The following COLGALT2 variants were observed in gnomAD, a reference collection of about 807,000 sequenced individuals.
COLGALT2 encodes procollagen galactosyltransferase 2.
Under a neutral mutation model 73.4 loss-of-function variants are expected in COLGALT2, and 49 were observed. The observed-to-expected ratio is 0.67, with a 90% CI of 0.53 to 0.85. The LOEUF is 0.85. Among genes scored for constraint, COLGALT2 ranks in the 40% least tolerant of loss-of-function variants. COLGALT2 has a pLI of 0.00. For synonymous variants in COLGALT2, 295 were observed against 307.6 expected, an observed-to-expected ratio of 0.96 and a Z score of 0.43; for missense variants, 722 against 790.2, an observed-to-expected ratio of 0.91 and a Z score of 1.03.
chr1:183,950,292 C>G (rs1011118233), intron 8 of COLGALT2, among the ~76,000 whole-genome samples: 6 of 152,096 alleles, frequency 3.9e-5, no homozygotes, highest in African/African-American at 1.2e-4. Flanking sequence ...TGATGAGATT[C>G]TCTAAGGGAG....
chr1:184,024,700 G>A (rs895556135), intron 1 of COLGALT2, among the ~76,000 whole-genome samples: 7 of 138,834 alleles, frequency 5.0e-5, no homozygotes, highest in South Asian at 4.5e-4. Context: ...ATTAGGCTCC[G>A]TTCTCTAAAC....
intron 1 of COLGALT2, among the ~76,000 whole-genome samples, chr1:183,982,073 A>G (rs1249201830): frequency 6.6e-6 from 1 of 152,220 alleles, no homozygotes; most frequent in Admixed American, 6.5e-5. Context: ...TCTACTTTCA[A>G]GTGTCTTCTT....
intron 1 of COLGALT2, among the ~76,000 whole-genome samples, chr1:184,036,332 A>G (rs1276727434): frequency 1.3e-5 from 2 of 152,224 alleles, no homozygotes; most frequent in Non-Finnish European, 2.9e-5. Context: ...CAGCAGACAC[A>G]GGGACCAGGT....
intron 1 of COLGALT2, among the ~76,000 whole-genome samples, chr1:183,997,374 G>T (rs1366730696): frequency 6.6e-6 from 1 of 152,066 alleles, no homozygotes; most frequent in Non-Finnish European, 1.5e-5. Flanking sequence ...TTTGAAGTCC[G>T]CTTTGTGCCT....
chr1:184,012,048 C>T (rs950409622), intron 1 of COLGALT2, among the ~76,000 whole-genome samples: 8 of 152,146 alleles, frequency 5.3e-5, no homozygotes, highest in Admixed American at 4.6e-4. Context: ...TGACATTTCT[C>T]CTTTTCCCCA....
At chr1:183,970,327 G>A (rs2102813297) in intron 4 of COLGALT2, among the ~76,000 whole-genome samples, 1 of 152,288 alleles carries the variant, frequency 6.6e-6, no homozygotes, top group Non-Finnish European at 1.5e-5. Context: ...AGGCATTTTG[G>A]AAAATGTTCT....
chr1:183,961,752 T>C (rs1237096117), intron 6 of COLGALT2, among the ~76,000 whole-genome samples: 1 of 152,178 alleles, frequency 6.6e-6, no homozygotes, highest in Non-Finnish European at 1.5e-5. Context: ...CAGATTTTTT[T>C]TGGTAACAAC....
chr1:183,945,390 C>A, intron 9 of COLGALT2, 42 bp downstream of exon 9: 1 of 1,604,426 alleles, frequency 6.2e-7, no homozygotes, highest in Non-Finnish European at 8.5e-7. Flanking sequence ...GCTTTCCTTT[C>A]TCCTCATCAT....
intron 10 of COLGALT2, among the ~76,000 whole-genome samples, chr1:183,943,149 T>C (rs1341801608): frequency 2.0e-5 from 3 of 152,214 alleles, no homozygotes; most frequent in African/African-American, 4.8e-5. Context: ...TGACAGGGCA[T>C]AGGTGTCTTA....
At chr1:184,003,330 G>A (rs150972773) in intron 1 of COLGALT2, among the ~76,000 whole-genome samples, 1 of 151,884 alleles carries the variant, frequency 6.6e-6, no homozygotes, top group East Asian at 1.9e-4. Flanking sequence ...ACTCATGACT[G>A]GAGTCCAAAG....
At chr1:184,017,907 T>G (rs114040441) in intron 1 of COLGALT2, among the ~76,000 whole-genome samples, 2,129 of 152,256 alleles carry the variant, frequency 0.014, 49 homozygotes, top group African/African-American at 0.048. Flanking sequence ...ACAGGGCTGT[T>G]GTGAGCTCGG....
At chr1:183,977,812 A>AGAGAGAGAGAGAGAGAGAGAG (rs1553317022) in intron 2 of COLGALT2, among the ~76,000 whole-genome samples, 20 of 52,404 alleles carry the variant, frequency 3.8e-4, no homozygotes, top group African/African-American at 7.7e-4. Flanking sequence ...GAAAGAGAGA[A>AGAGAGAGAGAGAGAGAGAGAG]AGAGAGAGAG....
intron 5 of COLGALT2, among the ~76,000 whole-genome samples, chr1:183,964,762 A>C (rs1198764282): frequency 6.6e-6 from 1 of 152,206 alleles, no homozygotes. Flanking sequence ...GTGTTTAACC[A>C]GACAGCTAGA....
At chr1:184,007,325 C>T (rs1672112477) in intron 1 of COLGALT2, among the ~76,000 whole-genome samples, 1 of 152,102 alleles carries the variant, frequency 6.6e-6, no homozygotes, top group African/African-American at 2.4e-5. Context: ...TATGTGTTCA[C>T]AAGAGATAAA....
intron 1 of COLGALT2, among the ~76,000 whole-genome samples, chr1:184,022,943 C>G (rs1449489121): frequency 6.6e-6 from 1 of 152,162 alleles, no homozygotes; most frequent in Non-Finnish European, 1.5e-5. Flanking sequence ...AGGCAGCTGG[C>G]CTACAGCTGG....
chr1:184,029,053 G>A (rs1649420836), intron 1 of COLGALT2, among the ~76,000 whole-genome samples: 1 of 152,184 alleles, frequency 6.6e-6, no homozygotes, highest in African/African-American at 2.4e-5. Flanking sequence ...GGTGCTCCTA[G>A]AGAGGAAAAG....
At chr1:183,955,311 C>T (rs1670523284) in intron 6 of COLGALT2, among the ~76,000 whole-genome samples, 2 of 152,216 alleles carry the variant, frequency 1.3e-5, no homozygotes, top group Non-Finnish European at 2.9e-5. Flanking sequence ...TGCTCAACAA[C>T]TCTTAGCTAT....
At chr1:183,962,494 T>C (rs575037613) in intron 6 of COLGALT2, among the ~76,000 whole-genome samples, 3 of 152,214 alleles carry the variant, frequency 2.0e-5, no homozygotes, top group Admixed American at 2.0e-4. Context: ...TTATGCTACA[T>C]GCCCTATTCC....
intron 1 of COLGALT2, among the ~76,000 whole-genome samples, chr1:184,009,377 G>T (rs1440821655): frequency 6.6e-6 from 1 of 152,170 alleles, no homozygotes; most frequent in African/African-American, 2.4e-5. Context: ...AAAGGGTGAG[G>T]TATAAGTACA....
Sources: allele counts gnomAD v4.1 joint callset (sites outside exome capture counted in the v4.1 genomes callset), GRCh38; gene constraint gnomAD v4.1.1; transcripts MANE v1.5; gene names NCBI Gene and HGNC (gene_info 2026-07-23, HGNC 2026-07-21).